The following TBCA variants were observed in gnomAD, a reference collection of about 807,000 sequenced individuals.
TBCA encodes the protein tubulin folding cofactor A.
A neutral mutation model predicts 15.8 loss-of-function variants in TBCA; 6 were observed. That is an observed-to-expected ratio of 0.38 (90% CI 0.21 to 0.75). The LOEUF (loss-of-function observed/expected upper bound fraction) is 0.75. Ranked by LOEUF, TBCA falls within the 30% of genes least tolerant of loss-of-function variation. The probability of loss-of-function intolerance (pLI) is 0.46; values close to 1 mark genes in which losing one functional copy is unlikely to be tolerated. For missense variants in TBCA, 90 were observed against 131.2 expected (o/e 0.69, Z 1.53); for synonymous variants, 32 against 42.3 (o/e 0.76, Z 0.94).
At chr5:77,735,930 C>A (rs1746891535) in intron 1 of TBCA, among the ~76,000 whole-genome samples, 1 of 152,052 alleles carries the variant, frequency 6.6e-6, no homozygotes, top group African/African-American at 2.4e-5. Context: ...AAAAGAAATC[C>A]CCTATGCAGA....
intron 1 of TBCA, among the ~76,000 whole-genome samples, chr5:77,731,394 G>T (rs919932981): frequency 6.6e-6 from 1 of 152,076 alleles, no homozygotes; most frequent in Non-Finnish European, 1.5e-5. Flanking sequence ...GCAAAGCAAG[G>T]ATAATAATAG....
intron 1 of TBCA, among the ~76,000 whole-genome samples, chr5:77,751,161 T>A (rs1747325205): frequency 1.6e-4 from 1 of 6,088 alleles, no homozygotes; most frequent in Non-Finnish European, 1.2e-3. Context: ...CTTTCTTTCT[T>A]TTTTTTTTTT....
At chr5:77,744,669 G>A (rs1747139002) in intron 1 of TBCA, among the ~76,000 whole-genome samples, 2 of 150,378 alleles carry the variant, frequency 1.3e-5, no homozygotes, top group Admixed American at 6.7e-5. Context: ...CCAAGCAGCT[G>A]GGATTACAGG....
intron 2 of TBCA, among the ~76,000 whole-genome samples, chr5:77,699,911 G>A (rs1203967393): frequency 2.7e-5 from 4 of 150,744 alleles, no homozygotes; most frequent in South Asian, 2.1e-4. Flanking sequence ...GGTGGCAGGC[G>A]CATATAATCC....
At chr5:77,702,865 T>A (rs568207037) in intron 2 of TBCA, among the ~76,000 whole-genome samples, 16 of 152,316 alleles carry the variant, frequency 1.1e-4, no homozygotes, top group Admixed American at 9.8e-4. Flanking sequence ...CAAACACATT[T>A]TCTTGGATGA....
At chr5:77,756,473 TC>T (rs2112500310) in intron 1 of TBCA, among the ~76,000 whole-genome samples, 1 of 150,504 alleles carries the variant, frequency 6.6e-6, no homozygotes, top group South Asian at 2.2e-4. Context: ...ACACAATCTC[TC>T]ATTTATCTAT....
At chr5:77,768,844 C>CTATTTACTGTCT (rs1308035958) in intron 1 of TBCA, among the ~76,000 whole-genome samples, 1 of 152,324 alleles carries the variant, frequency 6.6e-6, no homozygotes, top group East Asian at 1.9e-4. Context: ...CATCACACAT[C>CTATTTACTGTCT]TAAGCATTTA....
At chr5:77,692,614 T>C in intron 3 of TBCA, 8 of 985,448 alleles carry the variant, frequency 8.1e-6, no homozygotes, top group Non-Finnish European at 9.6e-6. Flanking sequence ...AAGCAATTTC[T>C]ATTACTTTCT....
intron 1 of TBCA, among the ~76,000 whole-genome samples, chr5:77,745,046 A>T (rs1747152327): frequency 6.6e-6 from 1 of 152,208 alleles, no homozygotes; most frequent in Non-Finnish European, 1.5e-5. Flanking sequence ...ACATATTGTG[A>T]AAGTTAAATG....
chr5:77,720,721 T>C (rs1746512094), intron 1 of TBCA, among the ~76,000 whole-genome samples: 1 of 151,786 alleles, frequency 6.6e-6, no homozygotes, highest in African/African-American at 2.4e-5. Flanking sequence ...CTCAAAAAAA[T>C]AAAAAAATTA....
chr5:77,751,474 G>A (rs909997610), intron 1 of TBCA, among the ~76,000 whole-genome samples: 7 of 151,746 alleles, frequency 4.6e-5, no homozygotes, highest in South Asian at 2.1e-4. Flanking sequence ...CCACCGCGCC[G>A]GCCAGCCTGA....
At chr5:77,719,759 T>C (rs1207280337) in intron 1 of TBCA, among the ~76,000 whole-genome samples, 3 of 152,106 alleles carry the variant, frequency 2.0e-5, no homozygotes, top group African/African-American at 7.2e-5. Flanking sequence ...AAAACACAAA[T>C]ATAAAACTCA....
chr5:77,721,015 A>G (rs1291700166), intron 1 of TBCA, among the ~76,000 whole-genome samples: 1 of 152,218 alleles, frequency 6.6e-6, no homozygotes, highest in Non-Finnish European at 1.5e-5. Context: ...ATGATGGGCT[A>G]TTTGGTTATT....
intron 1 of TBCA, among the ~76,000 whole-genome samples, chr5:77,763,004 G>T (rs1311045979): frequency 1.3e-5 from 2 of 152,230 alleles, no homozygotes; most frequent in African/African-American, 4.8e-5. Flanking sequence ...AGCACTTTGG[G>T]AGGCCGAGGC....
intron 1 of TBCA, among the ~76,000 whole-genome samples, chr5:77,713,666 A>G (rs1435655938): frequency 6.6e-6 from 1 of 152,240 alleles, no homozygotes; most frequent in Non-Finnish European, 1.5e-5. Context: ...AGTGAATGAC[A>G]AAATGCAAAT....
intron 2 of TBCA, among the ~76,000 whole-genome samples, chr5:77,707,323 T>C (rs2112437691): frequency 1.3e-5 from 2 of 152,216 alleles, no homozygotes; most frequent in South Asian, 4.2e-4. Context: ...AGAATGAATG[T>C]TCAATATATG....
chr5:77,703,525 T>A (rs1009491662), intron 2 of TBCA, among the ~76,000 whole-genome samples: 1 of 152,184 alleles, frequency 6.6e-6, no homozygotes, highest in African/African-American at 2.4e-5. Context: ...TTGACTGATA[T>A]TCTAGCCTCC....
At chr5:77,729,666 C>T (rs1313812266) in intron 1 of TBCA, among the ~76,000 whole-genome samples, 1 of 152,172 alleles carries the variant, frequency 6.6e-6, no homozygotes, top group African/African-American at 2.4e-5. Context: ...ATGAAGGAGA[C>T]AGGATGATCT....
intron 1 of TBCA, among the ~76,000 whole-genome samples, chr5:77,732,490 GC>G (rs1173197869): frequency 8.3e-5 from 12 of 144,962 alleles, no homozygotes; most frequent in Non-Finnish European, 1.5e-5. Flanking sequence ...GGCAGAGCTT[GC>G]AGTGAGCAGA....
Sources: gnomAD v4.1 joint callset for allele counts (sites outside exome capture counted in the v4.1 genomes callset) on GRCh38, gnomAD v4.1.1 for gene constraint, MANE v1.5 for transcripts, NCBI Gene and HGNC (gene_info 2026-07-23, HGNC 2026-07-21) for gene names.